Variants in DYRK1A observed in about 807,000 individuals in gnomAD.
The protein encoded by DYRK1A is dual specificity tyrosine phosphorylation regulated kinase 1A.
Under a neutral mutation model 79.7 loss-of-function variants are expected in DYRK1A, and 9 were observed. That is an observed-to-expected ratio of 0.11 (90% CI 0.07 to 0.20). DYRK1A has a LOEUF of 0.20. DYRK1A is among the 10% of genes least tolerant of loss of function. The pLI is 1.00. For missense variants in DYRK1A, 622 were observed against 956.0 expected, an observed-to-expected ratio of 0.65 and a Z score of 4.61; for synonymous variants, 349 against 329.7, an observed-to-expected ratio of 1.06 and a Z score of -0.63.
intron 9 of DYRK1A, among the ~76,000 whole-genome samples, chr21:37,500,952 T>TA: frequency 6.6e-6 from 1 of 151,674 alleles, no homozygotes; most frequent in African/African-American, 2.4e-5. Context: ...TTTCTTTTTC[T>TA]ATTCTTGATC....
At position 37,493,106 on chromosome 21, in the gene DYRK1A, C is replaced by T. The variant is rs143646885; in HGVS notation, c.1014C>T (p.Leu338=). The T allele has an allele frequency of 2.6e-4, 419 of 1,613,484 alleles. No individual in the cohort carries two copies. The highest frequency in any genetic ancestry group is 3.4e-4 in the Non-Finnish European group (406 of 1,179,682). ...PYDLAIDMWS[L]GCILVEMHTG... is the part of the protein sequence containing the mutation. ...ACCTTGCCATTGATATGTGGTCCCT[C>T]GGGTGTATTTTGGTTGAAATGCACA... The change falls in exon 8 of 12, where the codon CTC becomes CTT. Residue 338 remains leucine, a synonymous_variant. Coordinates refer to ENST00000647188, the MANE Select transcript of DYRK1A (RefSeq NM_001347721.2).
At position 37,370,744 on chromosome 21, in the gene DYRK1A, C is replaced by G. The variant is rs535918521; in HGVS notation, c.-77+3116C>G. 2.3e-4 allele frequency among the ~76,000 whole-genome samples: 35 copies of G among 152,176 alleles called. 1 individual carries two copies. In the South Asian group the frequency reaches 2.5e-3, roughly 11 times the overall value. On this transcript the variant is annotated intron_variant, in intron 1 of 11. Coordinates refer to ENST00000647188, the MANE Select transcript of DYRK1A (RefSeq NM_001347721.2). Reference sequence around the variant, plus strand: ...TCATAAGCAGTTATTTAAACTGAACCAAGAATCTTTACTTTCTGTTGAGTG... The same window carrying G: ...TCATAAGCAGTTATTTAAACTGAACGAAGAATCTTTACTTTCTGTTGAGTG...
intron 1 of DYRK1A, among the ~76,000 whole-genome samples, chr21:37,415,719 T>A (rs2050325370): frequency 6.6e-6 from 1 of 152,078 alleles, no homozygotes; most frequent in Non-Finnish European, 1.5e-5. Flanking sequence ...TACCTCCCTC[T>A]GCCTCCCAAA....
chr21:37,462,013 A>AT (rs984475160), intron 2 of DYRK1A, among the ~76,000 whole-genome samples: 6 of 151,720 alleles, frequency 4.0e-5, no homozygotes, highest in South Asian at 2.1e-4. Context: ...CATTTTTAGA[A>AT]TTTCCATTTA....
chr21:37,380,601 A>T (rs911398864), intron 1 of DYRK1A, among the ~76,000 whole-genome samples: 1 of 152,174 alleles, frequency 6.6e-6, no homozygotes, highest in South Asian at 2.1e-4. Flanking sequence ...TAAGACAAAG[A>T]TACAGACATG....
chr21:37,460,949 C>A (rs1265509502), intron 2 of DYRK1A, among the ~76,000 whole-genome samples: 1 of 152,090 alleles, frequency 6.6e-6, no homozygotes, highest in Non-Finnish European at 1.5e-5. Flanking sequence ...TGTTGGATTA[C>A]TATTTTAATC....
intron 2 of DYRK1A, among the ~76,000 whole-genome samples, chr21:37,441,300 C>T (rs984647891): frequency 3.3e-5 from 5 of 152,070 alleles, no homozygotes; most frequent in Non-Finnish European, 5.9e-5. Context: ...CTTACAGACA[C>T]ATATAGTTGA....
rs1266979646 is a variant in DYRK1A, at chr21:37,490,900, T to C, written c.924+439T>C. Among the ~76,000 whole-genome samples the C allele has an allele frequency of 4.6e-5, 7 of 152,088 alleles. No individual in the cohort carries two copies. In the South Asian group the frequency reaches 1.2e-3, roughly 27 times the overall value. ...AACTATATTTCCCAAGTAAAGGTTT[T>C]AGTATAAATTTTGGGACTTTCCAGT... On this transcript the variant is annotated intron_variant, in intron 7 of 11. Transcript: ENST00000647188.
At chr21:37,414,966 A>G (rs2050310018) in intron 1 of DYRK1A, among the ~76,000 whole-genome samples, 1 of 152,202 alleles carries the variant, frequency 6.6e-6, no homozygotes, top group Non-Finnish European at 1.5e-5. Context: ...CTACTACTTT[A>G]CAATTACTGA....
rs920019457 is a variant in DYRK1A, at chr21:37,512,056, CCCATCA to C, written c.1800_1805del (p.His609_His610del). The C allele has an allele frequency of 3.1e-6, 5 of 1,613,922 alleles. No individual in the cohort carries two copies. Among genetic ancestry groups the C allele is most frequent in the African/African-American group, 1.3e-5 (1 of 74,986 alleles). ...TTGCATCATCACCATGGTAACAGTT[CCCATCA>C]CCATCACCACCACCACCACCATCAC... On this transcript the variant is annotated inframe_deletion, in exon 12 of 12. Coordinates refer to ENST00000647188, the MANE Select transcript of DYRK1A (RefSeq NM_001347721.2).
intron 1 of DYRK1A, among the ~76,000 whole-genome samples, chr21:37,390,351 A>G (rs149096747): frequency 6.0e-4 from 91 of 152,342 alleles, no homozygotes; most frequent in African/African-American, 2.0e-3. Flanking sequence ...CGTTGTTGGC[A>G]TGAAGTCCAT....
In DYRK1A at chr21:37,516,707, T is replaced by C. The variant is rs1008924253; in HGVS notation, c.*4176T>C. 6.6e-6 allele frequency: 1 copy of C among 152,108 alleles called. No homozygotes were observed. Among genetic ancestry groups the C allele is most frequent in the African/African-American group, 2.4e-5 (1 of 41,420 alleles). 9.4% of individuals were successfully genotyped at this position (152,108 alleles called of 1,614,324 possible). A position where few individuals can be genotyped will look rare whatever the true frequency, so the allele number is the denominator to read the frequency against. On this transcript the variant is annotated 3_prime_UTR_variant, in exon 12 of 12. Transcript: ENST00000647188. ...CATCGCTTGGTGTGTTTGGCTCTCT[T>C]TGGCATTATGCATAGCCAAGGTCCC...
chr21:37,512,357 C>T lies in DYRK1A; in HGVS notation c.2091C>T (p.Ser697=). The T allele has an allele frequency of 6.2e-7, 1 of 1,614,226 alleles. No homozygotes were observed. The highest frequency in any genetic ancestry group is 1.3e-5 in the African/African-American group (1 of 75,060). The change falls in exon 12 of 12, where the codon TCC becomes TCT. Residue 697 remains serine, a synonymous_variant. Transcript: ENST00000647188. ...GAMDVNLTVY[S]NPRQETGIAG... Reference sequence around the variant, plus strand: ...TGGACGTTAATTTGACCGTCTACTCCAATCCCCGCCAAGAGACTGGCATAG... The same window carrying T: ...TGGACGTTAATTTGACCGTCTACTCTAATCCCCGCCAAGAGACTGGCATAG...
intron 2 of DYRK1A, among the ~76,000 whole-genome samples, chr21:37,458,877 A>G (rs1569341337): frequency 6.6e-6 from 1 of 152,128 alleles, no homozygotes; most frequent in African/African-American, 2.4e-5. Flanking sequence ...CTCCTTAACT[A>G]TCCTACAGAT....
At chr21:37,475,926 A>C (rs532149180) in intron 3 of DYRK1A, among the ~76,000 whole-genome samples, 8 of 152,322 alleles carry the variant, frequency 5.3e-5, no homozygotes, top group African/African-American at 1.9e-4. Flanking sequence ...TAAAAACTTA[A>C]AGACATTCAC....
At chr21:37,378,631 A>AG (rs531441910) in intron 1 of DYRK1A, among the ~76,000 whole-genome samples, 58 of 152,324 alleles carry the variant, frequency 3.8e-4, no homozygotes, top group Admixed American at 9.2e-4. Flanking sequence ...CCTACAGAAA[A>AG]GGGGGCTCTT....
upstream of DYRK1A, among the ~76,000 whole-genome samples, chr21:37,366,365 G>GCGGGAGGCCGCGCGCGCTCCC (rs2049303887): frequency 6.9e-6 from 1 of 144,688 alleles, no homozygotes; most frequent in Non-Finnish European, 1.5e-5. Flanking sequence ...GGGCGGCGGC[G>GCGGGAGGCCGCGCGCGCTCCC]CGGGAGGCCG....
chr21:37,447,212 A>G (rs1024114111), intron 2 of DYRK1A, among the ~76,000 whole-genome samples: 2 of 152,122 alleles, frequency 1.3e-5, no homozygotes, highest in Non-Finnish European at 2.9e-5. Flanking sequence ...CTGCTCATTC[A>G]CTAAAGATTT....
chr21:37,484,091 A>G (rs548604226), intron 5 of DYRK1A, among the ~76,000 whole-genome samples: 77 of 152,246 alleles, frequency 5.1e-4, no homozygotes, highest in African/African-American at 1.8e-3. Flanking sequence ...GCAGCGTTAG[A>G]TTCTCAAAGG....
Sources: allele counts gnomAD v4.1 joint callset (sites outside exome capture counted in the v4.1 genomes callset), GRCh38; gene constraint gnomAD v4.1.1; transcripts MANE v1.5; gene names NCBI Gene and HGNC (gene_info 2026-07-23, HGNC 2026-07-21).